The following TCHH variants were observed in gnomAD, a reference collection of about 807,000 sequenced individuals.
TCHH encodes trichohyalin.
A neutral mutation model predicts 6.3 loss-of-function variants in TCHH; 6 were observed. The ratio of observed to expected loss-of-function variants is 0.95; its 90% CI spans 0.52 to 1.88. The LOEUF (loss-of-function observed/expected upper bound fraction) is 1.88, where lower values mean the gene tolerates loss of function less well. TCHH is among the 40% of genes most tolerant of loss of function. The pLI is 0.01. For missense variants in TCHH, 2,920 were observed against 2,449.1 expected (o/e 1.19, Z -4.06); for synonymous variants, 1,087 against 963.6 (o/e 1.13, Z -2.37).
At position 152,109,568 on chromosome 1, in the gene TCHH, C is replaced by T. The variant is rs1436628435; in HGVS notation, c.3649G>A (p.Glu1217Lys). ...CATTTCAGATCACTGCGCTGATCCT[C>T]ATCCCGGTATCGCTGCTTCCTTTTC... ...RQKRKQRYRD[E>K]DQRSDLKWQW... Residue 1217 changes from glutamate to lysine, a missense_variant, in exon 3 of 3, where the codon GAG becomes AAG. Physicochemically the swap from Glu to Lys is moderately conservative, Grantham distance 56. Coordinates refer to ENST00000614923, the MANE Select transcript of TCHH (RefSeq NM_007113.4). The T allele has an allele frequency of 1.2e-6, 2 of 1,614,254 alleles. No individual in the cohort carries two copies. Among genetic ancestry groups the T allele is most frequent in the Admixed American group, 3.3e-5 (2 of 60,032 alleles).
rs375266541 is a variant in TCHH at position 152,112,568 on chromosome 1, C to A, written c.649G>T (p.Glu217Ter). 6.2e-7 allele frequency: 1 copy of A among 1,613,606 alleles called. No individual in the cohort carries two copies. Among genetic ancestry groups the A allele is most frequent in the Non-Finnish European group, 8.5e-7 (1 of 1,180,020 alleles). Residue 217 changes from glutamate to a stop codon, truncating the protein, a stop_gained, in exon 3 of 3, where the codon GAG becomes TAG. Coordinates refer to ENST00000614923, the MANE Select transcript of TCHH (RefSeq NM_007113.4). LOFTEE classifies it low-confidence loss of function (END_TRUNC). Reference sequence around the variant, plus strand: ...TCCTCGCGGCCCTTCCTCCTCAGCTCCAGCAGCTCCCGCCTTCGCAGTTGC... The same window carrying A: ...TCCTCGCGGCCCTTCCTCCTCAGCTACAGCAGCTCCCGCCTTCGCAGTTGC... The part of the protein sequence containing the change: ...EEQLRRRELL[E>*]LRRKGREEKQ...
Position 152,107,894 on chromosome 1 carries a change from C to G in TCHH, c.5323G>C (p.Glu1775Gln), listed in dbSNP as rs761222663. 2.8e-5 allele frequency: 45 copies of G among 1,613,710 alleles called. No individual in the cohort carries two copies. The highest frequency in any genetic ancestry group is 3.7e-5 in the Non-Finnish European group (44 of 1,179,936). Residue 1775 changes from glutamate (E) to glutamine (Q), a missense_variant, in exon 3 of 3, where the codon GAG becomes CAG. Transcript: ENST00000614923. ...RRQERDRKFR[E>Q]EEQLRQEREE... ...CTCTCCTGGCGGAGCTGTTCCTCCT[C>G]GCGGAATTTTCTGTCGCGCTCCTGG...
chr1:152,108,398 G>T lies in TCHH; in HGVS notation c.4819C>A (p.Gln1607Lys). Reference sequence around the variant, plus strand: ...TGGCGCAGCTGTTGTTGGCCCTCCTGGCGGCGCAGCTGCTGTTCGTCCTCC... The same window carrying T: ...TGGCGCAGCTGTTGTTGGCCCTCCTTGCGGCGCAGCTGCTGTTCGTCCTCC... ...FMEDEQQLRR[Q>K]EGQQQLRQER... is the part of the protein sequence containing the mutation. The change falls in exon 3 of 3, where the codon CAG (glutamine) becomes AAG (lysine). Residue 1607 changes from glutamine (Q) to lysine (K), a missense_variant. By Grantham distance (53) the Gln-to-Lys change is moderately conservative. Transcript: ENST00000614923. 6.2e-7 allele frequency: 1 copy of T among 1,613,112 alleles called. No individual in the cohort carries two copies. Among genetic ancestry groups the T allele is most frequent in the Non-Finnish European group, 8.5e-7 (1 of 1,179,754 alleles).
At position 152,106,985 on chromosome 1, in the gene TCHH, T is replaced by A; in HGVS notation, c.*400A>T. Reference sequence around the variant, plus strand: ...TTGAACATTAAAAGTATCTGCACTTTCCACAAGATGGGTCAGTCATTAAAC... The same window carrying A: ...TTGAACATTAAAAGTATCTGCACTTACCACAAGATGGGTCAGTCATTAAAC... On this transcript the variant is annotated 3_prime_UTR_variant, in exon 3 of 3. Transcript: ENST00000614923. 6.2e-6 allele frequency: 1 copy of A among 160,650 alleles called. No individual in the cohort carries two copies. The highest frequency in any genetic ancestry group is 1.4e-5 in the Non-Finnish European group (1 of 73,722). 10.0% of individuals were successfully genotyped at this position (160,650 alleles called of 1,614,324 possible).
In TCHH at chr1:152,108,029, GT is replaced by G; in HGVS notation, c.5187del (p.Glu1729AspfsTer22). On this transcript the variant is annotated frameshift_variant, in exon 3 of 3. Transcript: ENST00000614923. LOFTEE classifies it low-confidence loss of function (END_TRUNC). ...QELERKFREE[E>X]QLRQETEQEQ... Reference sequence around the variant, plus strand: ...TCTTGCTCCGTTTCTTGGCGCAGCTGTTCCTCCTCACGGAATTTTCTCTCCA... The same window carrying G: ...TCTTGCTCCGTTTCTTGGCGCAGCTGTCCTCCTCACGGAATTTTCTCTCCA... 6.2e-7 allele frequency: 1 copy of G among 1,613,406 alleles called. No homozygotes were observed. The highest frequency in any genetic ancestry group is 8.5e-7 in the Non-Finnish European group (1 of 1,179,852).
Position 152,113,081 on chromosome 1 carries a change from A to G in TCHH, c.139-3T>C, listed in dbSNP as rs760346785. On this transcript the variant is annotated splice_region_variant and splice_polypyrimidine_tract_variant and intron_variant, in intron 2 of 2. Coordinates refer to ENST00000614923, the MANE Select transcript of TCHH (RefSeq NM_007113.4). ...ACCGTCTTAGGGTCATGTGGTCTCT[A>G]TAAAAATGGTGAAAACAAAAATTTT... is the stretch of plus-strand genomic sequence containing the variant. The G allele has an allele frequency of 1.9e-6, 3 of 1,571,902 alleles. No homozygotes were observed. In the South Asian group the frequency reaches 3.5e-5, roughly 18 times the overall value.
Position 152,107,047 on chromosome 1 carries a change from T to C in TCHH, c.*338A>G, listed in dbSNP as rs1263023243. 1 of 191,232 alleles carries C rather than the reference T, an allele frequency of 5.2e-6. No individual in the cohort carries two copies. The highest frequency in any genetic ancestry group is 2.3e-5 in the African/African-American group (1 of 42,782). 11.8% of individuals were successfully genotyped at this position (191,232 alleles called of 1,614,324 possible). A position where few individuals can be genotyped will look rare whatever the true frequency, so the allele number is the denominator to read the frequency against. On this transcript the variant is annotated 3_prime_UTR_variant, in exon 3 of 3. Transcript: ENST00000614923. ...TTGTTTAGAATCTCAAATCATCCTA[T>C]TACTCTTGTTACTTCTGAAAGCAAT... is the stretch of plus-strand genomic sequence containing the variant.
rs185664717 is a variant in TCHH at position 152,108,640 on chromosome 1, C to T, written c.4577G>A (p.Arg1526His). Residue 1526 changes from arginine (R) to histidine (H), a missense_variant, in exon 3 of 3, where the codon CGC becomes CAC. Arg to His is a conservative substitution (Grantham distance 29, BLOSUM62 0). Coordinates refer to ENST00000614923, the MANE Select transcript of TCHH (RefSeq NM_007113.4). ...GAGGAATTTTCTCTGCCGTTGCTGG[C>T]GGTGCAGCTGCTGTTCCTCCTCGAG... Reference protein sequence around the residue: ...KFLEEEQQLHRQQRQRKFLQE... With the variant: ...KFLEEEQQLHHQQRQRKFLQE... 4 of 1,610,712 alleles carry T rather than the reference C, an allele frequency of 2.5e-6. No homozygotes were observed. The highest frequency in any genetic ancestry group is 1.3e-5 in the African/African-American group (1 of 74,418).
rs1053419049 is a variant in TCHH, at chr1:152,108,198, T to C, written c.5019A>G (p.Glu1673=). ...HDRDRKFREE[E]QLLQEGEEQQ... is the part of the protein sequence containing the mutation. ...GTTCCTCCCCTTCCTGGAGCAGCTG[T>C]TCCTCTTCACGGAATTTTCTGTCGC... is the stretch of plus-strand genomic sequence containing the variant. Residue 1673 remains glutamate (E), a synonymous_variant, in exon 3 of 3, where the codon GAA becomes GAG. Transcript: ENST00000614923. The C allele has an allele frequency of 1.2e-6, 2 of 1,612,764 alleles. No homozygotes were observed. The highest frequency in any genetic ancestry group is 1.7e-6 in the Non-Finnish European group (2 of 1,179,656).
Position 152,107,630 on chromosome 1 carries a change from C to G in TCHH, c.5587G>C (p.Glu1863Gln). 1.9e-6 allele frequency: 3 copies of G among 1,614,148 alleles called. No individual in the cohort carries two copies. The highest frequency in any genetic ancestry group is 2.2e-5 in the South Asian group (2 of 91,084). The change falls in exon 3 of 3, where the codon GAA becomes CAA. Residue 1863 changes from glutamate (E) to glutamine (Q), a missense_variant. By Grantham distance (29) the Glu-to-Gln change is conservative. Transcript: ENST00000614923. ...TTCTGCTCCTCTTCTTGCCATAGTT[C>G]TTGTTCCTCACGACGACTCTTCTCC... ...TQEKSRREEQ[E>Q]LWQEEEQKRR... is the part of the protein sequence containing the mutation.
chr1:152,112,703 C>T lies in TCHH; in HGVS notation c.514G>A (p.Glu172Lys), dbSNP rs375911937. ...EQRDRQRRDE[E>K]LWRQRQEWQE... ...CATTCTTGCCTTTGCCGCCACAGCT[C>T]CTCGTCGCGGCGCTGCCTGTCGCGC... Residue 172 changes from glutamate (E) to lysine (K), a missense_variant, in exon 3 of 3, where the codon GAG becomes AAG. By Grantham distance (56) the Glu-to-Lys change is moderately conservative (BLOSUM62 1). Coordinates refer to ENST00000614923, the MANE Select transcript of TCHH (RefSeq NM_007113.4). The T allele has an allele frequency of 6.2e-7, 1 of 1,614,010 alleles. No individual in the cohort carries two copies. Among genetic ancestry groups the T allele is most frequent in the Non-Finnish European group, 8.5e-7 (1 of 1,180,030 alleles).
In TCHH at chr1:152,108,331, T is replaced by C; in HGVS notation, c.4886A>G (p.Gln1629Arg). 2 of 1,599,092 alleles carry C rather than the reference T, an allele frequency of 1.3e-6. No homozygotes were observed. Among genetic ancestry groups the C allele is most frequent in the Non-Finnish European group, 1.7e-6 (2 of 1,172,882 alleles). ...GTGCAGCTGCTGTTCTTCCCTTTCC[T>C]GGAGCAGCTGTTCGTCTTCGCGGAA... Reference protein sequence around the residue: ...RKFREDEQLLQEREEQQLHRQ... With the variant: ...RKFREDEQLLREREEQQLHRQ... Residue 1629 changes from glutamine (Q) to arginine (R), a missense_variant, in exon 3 of 3, where the codon CAG (glutamine) becomes CGG (arginine). Coordinates refer to ENST00000614923, the MANE Select transcript of TCHH (RefSeq NM_007113.4).
Position 152,110,866 on chromosome 1 carries a change from A to G in TCHH, c.2351T>C (p.Leu784Pro), listed in dbSNP as rs760028937. 4.3e-6 allele frequency: 7 copies of G among 1,610,008 alleles called. No individual in the cohort carries two copies. The Admixed American group carries it at 5.0e-5, about 12-fold the overall frequency. ...CTCCCGCAATGGGGGCCTGGCCGAC[A>G]GCCTCTGACGGCCCCTCTCGCTCTT... is the stretch of plus-strand genomic sequence containing the variant. ...EEKSERGRQRLSARPPLREQR... is the reference protein window; with the variant it reads ...EEKSERGRQRPSARPPLREQR... Residue 784 changes from leucine to proline, a missense_variant, in exon 3 of 3, where the codon CTG becomes CCG. Leu to Pro is a moderately conservative substitution (Grantham distance 98). Coordinates refer to ENST00000614923, the MANE Select transcript of TCHH (RefSeq NM_007113.4).
intron 1 of TCHH, among the ~76,000 whole-genome samples, chr1:152,114,692 T>G (rs895102532): frequency 6.6e-6 from 1 of 152,212 alleles, no homozygotes; most frequent in African/African-American, 2.4e-5. Flanking sequence ...AAATAGTACT[T>G]CTTCCTAGTC....
In TCHH at chr1:152,108,019, T is replaced by G. The variant is rs746689865; in HGVS notation, c.5198A>C (p.Gln1733Pro). ...GCGCAGCTGCTCTTGCTCCGTTTCT[T>G]GGCGCAGCTGTTCCTCCTCACGGAA... Reference protein sequence around the residue: ...RKFREEEQLRQETEQEQLRRQ... With the variant: ...RKFREEEQLRPETEQEQLRRQ... The change falls in exon 3 of 3, where the codon CAA becomes CCA. Residue 1733 changes from glutamine to proline, a missense_variant. Physicochemically the swap from Gln to Pro is moderately conservative, Grantham distance 76. Transcript: ENST00000614923. 2.1e-5 allele frequency: 34 copies of G among 1,612,572 alleles called. No individual in the cohort carries two copies. In the African/African-American group the frequency reaches 4.2e-4, roughly 20 times the overall value.
chr1:152,107,492 G>C lies in TCHH; in HGVS notation c.5725C>G (p.His1909Asp). 6.2e-7 allele frequency: 1 copy of C among 1,614,212 alleles called. No homozygotes were observed. Among genetic ancestry groups the C allele is most frequent in the Non-Finnish European group, 8.5e-7 (1 of 1,180,042 alleles). Residue 1909 changes from histidine to aspartate, a missense_variant, in exon 3 of 3, where the codon CAT becomes GAT. Transcript: ENST00000614923. ...GTGCCGGGCTCCAGAAGCCGCCCAT[G>C]GCCCTTCCCTTCTTGGGATTTTATC... is the stretch of plus-strand genomic sequence containing the variant. The part of the protein sequence containing the change: ...GEIKSQEGKG[H>D]GRLLEPGTHQ...
rs1658129395 is a variant in TCHH, at chr1:152,107,248, AT to A, written c.*136del. 1.6e-5 allele frequency: 15 copies of A among 944,756 alleles called. No homozygotes were observed. In the South Asian group the frequency reaches 3.5e-4, roughly 22 times the overall value. The allele number at this position is 944,756 out of a possible 1,614,324, so 58.5% of individuals were successfully genotyped here. ...GTGCGTAAAATGAGCGTAGTTTAAG[AT>A]TTTGGAAGAAAAGACATTCTAATAT... On this transcript the variant is annotated 3_prime_UTR_variant, in exon 3 of 3. Coordinates refer to ENST00000614923, the MANE Select transcript of TCHH (RefSeq NM_007113.4).
rs190389251 is a variant in TCHH, at chr1:152,108,246, G to A, written c.4971C>T (p.Arg1657=). Residue 1657 remains arginine (R), a synonymous_variant, in exon 3 of 3, where the codon CGC becomes CGT. Coordinates refer to ENST00000614923, the MANE Select transcript of TCHH (RefSeq NM_007113.4). The part of the protein sequence containing the change: ...EEEPQLRRQE[R]EQQLRHDRDR... The stretch of plus-strand genomic sequence containing the variant: ...CGCGGTCGTGACGCAGCTGTTGTTC[G>A]CGCTCCTGGCGGCGCAGCTGCGGTT... 482 of 1,606,884 alleles carry A rather than the reference G, an allele frequency of 3.0e-4. 1 individual carries two copies. In the East Asian group the frequency reaches 5.1e-3, roughly 17 times the overall value.
chr1:152,108,324 C>T lies in TCHH; in HGVS notation c.4893G>A (p.Arg1631=), dbSNP rs2101524116. Residue 1631 remains arginine (R), a synonymous_variant, in exon 3 of 3, where the codon AGG becomes AGA. Transcript: ENST00000614923. The part of the protein sequence containing the change: ...FREDEQLLQE[R]EEQQLHRQER... ...CTTGGCGGTGCAGCTGCTGTTCTTC[C>T]CTTTCCTGGAGCAGCTGTTCGTCTT... The T allele has an allele frequency of 6.2e-7, 1 of 1,611,480 alleles. No homozygotes were observed. Among genetic ancestry groups the T allele is most frequent in the South Asian group, 1.1e-5 (1 of 90,972 alleles).
Sources: gnomAD v4.1 joint callset for allele counts (sites outside exome capture counted in the v4.1 genomes callset) on GRCh38, gnomAD v4.1.1 for gene constraint, MANE v1.5 for transcripts, NCBI Gene and HGNC (gene_info 2026-07-23, HGNC 2026-07-21) for gene names.